The following GOLM2 variants were observed in gnomAD, a reference collection of about 807,000 sequenced individuals.
GOLM2 encodes protein GOLM2.
GOLM2 carries 26 observed loss-of-function variants against 55.9 expected under a neutral mutation model. The observed-to-expected ratio is 0.47, with a 90% confidence interval of 0.34 to 0.65. The LOEUF is 0.65. Ranked by LOEUF, GOLM2 falls within the 30% of genes least tolerant of loss-of-function variation. The pLI, the probability that GOLM2 is intolerant of heterozygous loss-of-function variation, is 0.01. For synonymous variants in GOLM2, 165 were observed against 194.6 expected, an observed-to-expected ratio of 0.85 and a Z score of 1.27; for missense variants, 486 against 531.8, an observed-to-expected ratio of 0.91 and a Z score of 0.85.
At chr15:44,409,353 G>A (rs1255427317) in intron 9 of GOLM2, among the ~76,000 whole-genome samples, 3 of 150,572 alleles carry the variant, frequency 2.0e-5, no homozygotes, top group Non-Finnish European at 4.4e-5. Context: ...TTGGGAGGCC[G>A]AGGCGGGTGG....
At chr15:44,368,530 T>C (rs2079301879) in intron 6 of GOLM2, among the ~76,000 whole-genome samples, 1 of 152,016 alleles carries the variant, frequency 6.6e-6, no homozygotes, top group African/African-American at 2.4e-5. Flanking sequence ...TCAAGTTCAT[T>C]GACCCCTTTT....
chr15:44,379,867 C>A, intron 7 of GOLM2, 79 bp downstream of exon 7: 1 of 763,396 alleles, frequency 1.3e-6, no homozygotes, highest in Non-Finnish European at 2.2e-6. Flanking sequence ...TAAAATATAT[C>A]ACTTAGCAGT....
In GOLM2 at chr15:44,289,233, G is replaced by A. The variant is rs772072516; in HGVS notation, c.204G>A (p.Ser68=). The change falls in exon 1 of 10, where the codon TCG becomes TCA. Residue 68 remains serine, a synonymous_variant. Transcript: ENST00000299957. This position sits in a 1 kb window ranked among gnomAD's most constrained non-coding sequence, Gnocchi z 4.8. ...GCGGGCGGCTGGAAAAGCGCAATTCGGACCTCTTGCTGTTGGTGGACACGC... is the reference window on the plus strand; with the variant it reads ...GCGGGCGGCTGGAAAAGCGCAATTCAGACCTCTTGCTGTTGGTGGACACGC... ...VARGRLEKRN[S]DLLLLVDTHK... is the part of the protein sequence containing the mutation. 2.5e-6 allele frequency: 4 copies of A among 1,614,156 alleles called. No homozygotes were observed. The highest frequency in any genetic ancestry group is 3.4e-6 in the Non-Finnish European group (4 of 1,180,022).
intron 1 of GOLM2, among the ~76,000 whole-genome samples, chr15:44,298,283 G>A (rs2078771991): frequency 1.4e-5 from 2 of 140,598 alleles, no homozygotes; most frequent in Non-Finnish European, 3.1e-5. Flanking sequence ...TTTTTTTTGA[G>A]ATGGAGTTTT....
intron 6 of GOLM2, among the ~76,000 whole-genome samples, chr15:44,347,057 G>A (rs936634213): frequency 7.2e-5 from 11 of 152,098 alleles, no homozygotes; most frequent in African/African-American, 1.4e-4. Context: ...CCAGGAGTTC[G>A]AGATTGCAGT....
intron 6 of GOLM2, among the ~76,000 whole-genome samples, chr15:44,369,066 ATTAT>A (rs1285047921): frequency 8.5e-4 from 51 of 60,074 alleles, no homozygotes; most frequent in African/African-American, 3.6e-3. Flanking sequence ...AATAGGATAT[ATTAT>A]ATATATATAT....
intron 9 of GOLM2, among the ~76,000 whole-genome samples, chr15:44,405,778 G>A (rs531404115): frequency 9.2e-5 from 14 of 152,006 alleles, no homozygotes; most frequent in Admixed American, 6.6e-4. Flanking sequence ...GCACCACCAC[G>A]TCCAGCTAAG....
chr15:44,327,837 A>G (rs901487760), intron 2 of GOLM2, among the ~76,000 whole-genome samples: 2 of 152,368 alleles, frequency 1.3e-5, no homozygotes, highest in African/African-American at 4.8e-5. Flanking sequence ...GGAATTTCAC[A>G]TGATTCATTT....
At chr15:44,296,454 T>A (rs927109140) in intron 1 of GOLM2, among the ~76,000 whole-genome samples, 2 of 152,178 alleles carry the variant, frequency 1.3e-5, no homozygotes, top group African/African-American at 4.8e-5. Flanking sequence ...AGGCAGCCTA[T>A]GCCTTTAGTT....
chr15:44,332,226 T>C, intron 4 of GOLM2, 148 bp downstream of exon 4: 1 of 541,652 alleles, frequency 1.8e-6, no homozygotes. Flanking sequence ...TGGCTTTATT[T>C]CTGAGTAAAT....
At chr15:44,298,963 G>A (rs1352140428) in intron 1 of GOLM2, among the ~76,000 whole-genome samples, 4 of 152,158 alleles carry the variant, frequency 2.6e-5, no homozygotes, top group Admixed American at 1.3e-4. Context: ...AACACCAGGT[G>A]CATGAATACA....
intron 6 of GOLM2, among the ~76,000 whole-genome samples, chr15:44,341,887 G>A (rs1024630681): frequency 6.6e-6 from 1 of 151,566 alleles, no homozygotes; most frequent in Admixed American, 6.6e-5. Context: ...TAGTAGAGAC[G>A]GGGTTTCACT....
At chr15:44,306,038 T>C (rs1437776958) in intron 1 of GOLM2, among the ~76,000 whole-genome samples, 1 of 152,214 alleles carries the variant, frequency 6.6e-6, no homozygotes, top group Non-Finnish European at 1.5e-5. Context: ...TAAGTGAGCG[T>C]TGGCTTCCAC....
chr15:44,371,068 A>G (rs1298018469), intron 6 of GOLM2, among the ~76,000 whole-genome samples: 1 of 152,186 alleles, frequency 6.6e-6, no homozygotes, highest in Non-Finnish European at 1.5e-5. Flanking sequence ...CAAAGACCTA[A>G]GAGGAAATCC....
chr15:44,373,134 T>C (rs902408980), intron 6 of GOLM2, among the ~76,000 whole-genome samples: 1 of 152,248 alleles, frequency 6.6e-6, no homozygotes, highest in African/African-American at 2.4e-5. Flanking sequence ...TGGTCTATTT[T>C]GTTCACTGCT....
chr15:44,361,783 T>C (rs2079241984), intron 6 of GOLM2, among the ~76,000 whole-genome samples: 1 of 152,150 alleles, frequency 6.6e-6, no homozygotes, highest in African/African-American at 2.4e-5. Context: ...TGAACATCGA[T>C]GCAAAAATCC....
At chr15:44,361,625 G>A (rs1240154039) in intron 6 of GOLM2, among the ~76,000 whole-genome samples, 1 of 152,038 alleles carries the variant, frequency 6.6e-6, no homozygotes, top group Non-Finnish European at 1.5e-5. Flanking sequence ...GTACAAGGAG[G>A]AACTGGTACC....
intron 1 of GOLM2, among the ~76,000 whole-genome samples, chr15:44,321,237 C>T (rs1406904269): frequency 6.6e-6 from 1 of 151,856 alleles, no homozygotes; most frequent in African/African-American, 2.4e-5. Context: ...TTTGGGAGAC[C>T]AAGGCAAGAG....
intron 6 of GOLM2, among the ~76,000 whole-genome samples, chr15:44,365,217 A>G (rs866395334): frequency 1.3e-5 from 2 of 152,180 alleles, no homozygotes; most frequent in Non-Finnish European, 2.9e-5. Flanking sequence ...AGGAAATGAG[A>G]TATTAAGACA....
Sources: gnomAD v4.1 joint callset for allele counts (sites outside exome capture counted in the v4.1 genomes callset) on GRCh38, gnomAD v4.1.1 for gene constraint, Gnocchi (gnomAD v3.1) non-coding constraint, MANE v1.5 for transcripts, NCBI Gene and HGNC (gene_info 2026-07-23, HGNC 2026-07-21) for gene names.